FCHSD2: variants seen among roughly 807,000 people sequenced by gnomAD.
FCHSD2 encodes F-BAR and double SH3 domains protein 2.
Under a neutral mutation model 108.1 loss-of-function variants are expected in FCHSD2, and 38 were observed. That is an observed-to-expected ratio of 0.35 (90% confidence interval 0.27 to 0.46). The LOEUF is 0.46. Ranked by LOEUF, FCHSD2 falls within the 20% of genes least tolerant of loss-of-function variation. The probability of loss-of-function intolerance (pLI) is 1.00; values close to 1 mark genes in which losing one functional copy is unlikely to be tolerated. For missense variants in FCHSD2, 751 were observed against 897.8 expected (o/e 0.84, Z 2.09); for synonymous variants, 279 against 314.7 (o/e 0.89, Z 1.20).
At chr11:73,011,330 C>T (rs1353869961) in intron 4 of FCHSD2, among the ~76,000 whole-genome samples, 1 of 152,138 alleles carries the variant, frequency 6.6e-6, no homozygotes, top group Non-Finnish European at 1.5e-5. Context: ...AAAGGGAGGG[C>T]TACCTTCTGA....
intron 8 of FCHSD2, among the ~76,000 whole-genome samples, chr11:72,943,918 C>T (rs1017345283): frequency 4.6e-5 from 7 of 152,168 alleles, no homozygotes; most frequent in Non-Finnish European, 8.8e-5. Flanking sequence ...AATACTCAGA[C>T]TTTAATCATT....
chr11:72,993,194 C>T lies in FCHSD2; in HGVS notation c.388-4097G>A, dbSNP rs1444139319. 5.9e-5 allele frequency among the ~76,000 whole-genome samples: 9 copies of T among 152,124 alleles called. No homozygotes were observed. The East Asian group carries it at 7.7e-4, about 13-fold the overall frequency. ...CACTGGCCATCAGAGAAATGCAAAT[C>T]AAAACCACAATGAGATACCATCTCA... On this transcript the variant is annotated intron_variant, in intron 5 of 19. Coordinates refer to ENST00000409418, the MANE Select transcript of FCHSD2 (RefSeq NM_014824.3).
intron 2 of FCHSD2, among the ~76,000 whole-genome samples, chr11:73,119,640 G>C (rs1166641823): frequency 6.6e-6 from 1 of 152,034 alleles, no homozygotes; most frequent in East Asian, 1.9e-4. Context: ...GTAGAGATGG[G>C]ATTTCACTGT....
In FCHSD2 at chr11:73,064,586, T is replaced by G. The variant is rs1046435878; in HGVS notation, c.165+19109A>C. Among the ~76,000 whole-genome samples the G allele has an allele frequency of 4.6e-5, 7 of 151,584 alleles. No individual in the cohort carries two copies. In the East Asian group the frequency reaches 1.4e-3, roughly 29 times the overall value. ...AGAGAGAAGAATCAAACAGACGCAATAAAAAATGATATAAGGGATATCACT... is the reference window on the plus strand; with the variant it reads ...AGAGAGAAGAATCAAACAGACGCAAGAAAAAATGATATAAGGGATATCACT... On this transcript the variant is annotated intron_variant, in intron 3 of 19. Transcript: ENST00000409418.
At chr11:73,127,225 G>T (rs1010450363) in intron 2 of FCHSD2, among the ~76,000 whole-genome samples, 2 of 152,142 alleles carry the variant, frequency 1.3e-5, no homozygotes, top group Non-Finnish European at 2.9e-5. Context: ...ATTAAATTGG[G>T]ATTATTTCCA....
chr11:73,104,443 G>C (rs1860293499), intron 2 of FCHSD2, among the ~76,000 whole-genome samples: 1 of 152,030 alleles, frequency 6.6e-6, no homozygotes, highest in South Asian at 2.1e-4. Context: ...CTAATTTTTG[G>C]ATTTTCAGTA....
intron 2 of FCHSD2, among the ~76,000 whole-genome samples, chr11:73,134,841 T>G (rs1029457578): frequency 1.3e-5 from 2 of 152,048 alleles, no homozygotes; most frequent in Admixed American, 1.3e-4. Flanking sequence ...GGGAGTTTGT[T>G]TTTTGGTTTT....
intron 8 of FCHSD2, among the ~76,000 whole-genome samples, chr11:72,948,024 T>C (rs1313412393): frequency 6.6e-6 from 1 of 152,206 alleles, no homozygotes; most frequent in African/African-American, 2.4e-5. Flanking sequence ...TTTTGTTTTT[T>C]TGAGACAAAG....
chr11:72,941,354 G>A (rs1856414715), intron 8 of FCHSD2, among the ~76,000 whole-genome samples: 1 of 151,216 alleles, frequency 6.6e-6, no homozygotes, highest in Admixed American at 6.6e-5. Flanking sequence ...GTTCAAAATA[G>A]TATCTAAGAG....
intron 3 of FCHSD2, among the ~76,000 whole-genome samples, chr11:73,037,922 T>C (rs940237044): frequency 1.3e-5 from 2 of 152,210 alleles, no homozygotes; most frequent in African/African-American, 2.4e-5. Context: ...CCCTCACCAA[T>C]TTCACACTAA....
chr11:72,920,460 G>A (rs774145258), intron 9 of FCHSD2, among the ~76,000 whole-genome samples: 1 of 152,154 alleles, frequency 6.6e-6, no homozygotes, highest in Non-Finnish European at 1.5e-5. Context: ...TTTGATCACG[G>A]CTGGGCATGG....
intron 9 of FCHSD2, among the ~76,000 whole-genome samples, chr11:72,907,195 C>G (rs191276485): frequency 1.0e-3 from 156 of 152,284 alleles, no homozygotes; most frequent in Middle Eastern, 3.4e-3. Flanking sequence ...TATCCTGAGA[C>G]TTTGCTGAAG....
At chr11:73,012,966 G>T (rs2135430071) in intron 4 of FCHSD2, among the ~76,000 whole-genome samples, 1 of 152,208 alleles carries the variant, frequency 6.6e-6, no homozygotes, top group South Asian at 2.1e-4. Flanking sequence ...GAGATGATGA[G>T]GAATTAAATT....
intron 3 of FCHSD2, among the ~76,000 whole-genome samples, chr11:73,082,590 A>C (rs1330814472): frequency 1.3e-5 from 2 of 152,072 alleles, no homozygotes; most frequent in Non-Finnish European, 2.9e-5. Context: ...AAAAAATCTG[A>C]CAAAGCCTAA....
At chr11:73,047,047 T>C (rs1858785361) in intron 3 of FCHSD2, among the ~76,000 whole-genome samples, 1 of 152,066 alleles carries the variant, frequency 6.6e-6, no homozygotes, top group African/African-American at 2.4e-5. Flanking sequence ...TGATAAAAAA[T>C]ACTATTAAAT....
chr11:72,957,792 A>G (rs1856743402), intron 8 of FCHSD2, among the ~76,000 whole-genome samples: 1 of 152,116 alleles, frequency 6.6e-6, no homozygotes, highest in Admixed American at 6.6e-5. Flanking sequence ...GAAAAAGAAT[A>G]ATGATAATGG....
At chr11:72,902,462 C>T in intron 10 of FCHSD2, 81 bp downstream of exon 10, 1 of 853,140 alleles carries the variant, frequency 1.2e-6, no homozygotes, top group Non-Finnish European at 1.8e-6. Context: ...CTTTTTCTGT[C>T]TGTCTATGCC....
intron 3 of FCHSD2, among the ~76,000 whole-genome samples, chr11:73,043,204 T>C (rs1333235172): frequency 6.6e-6 from 1 of 152,190 alleles, no homozygotes; most frequent in African/African-American, 2.4e-5. Flanking sequence ...ATACATAGCC[T>C]TTATTTTGCT....
chr11:72,902,900 C>A (rs1402441840), intron 9 of FCHSD2, among the ~76,000 whole-genome samples: 2 of 151,980 alleles, frequency 1.3e-5, no homozygotes, highest in African/African-American at 4.8e-5. Flanking sequence ...ATATATAATA[C>A]CTTAAGAAAG....
Sources: allele counts gnomAD v4.1 joint callset (sites outside exome capture counted in the v4.1 genomes callset), GRCh38; gene constraint gnomAD v4.1.1; transcripts MANE v1.5; gene names NCBI Gene and HGNC (gene_info 2026-07-23, HGNC 2026-07-21).